The following FAM181A variants were observed in gnomAD, a reference collection of about 807,000 sequenced individuals.
The protein encoded by FAM181A is protein FAM181A.
FAM181A carries 7 observed loss-of-function variants against 16.3 expected under a neutral mutation model. That is an observed-to-expected ratio of 0.43 (90% CI 0.24 to 0.81). The LOEUF is 0.81. FAM181A is among the 30% of genes least tolerant of loss of function. FAM181A has a pLI of 0.24. For missense variants in FAM181A, 349 were observed against 377.5 expected, an observed-to-expected ratio of 0.92 and a Z score of 0.63; for synonymous variants, 183 against 164.9, an observed-to-expected ratio of 1.11 and a Z score of -0.84.
chr14:93,928,176 C>T (rs565523327), intron 1 of FAM181A, 23 bp from the exon 2 acceptor site: 21 of 1,605,022 alleles, frequency 1.3e-5, no homozygotes, highest in South Asian at 3.3e-5. Context: ...GGAGAGACTC[C>T]GATGGCCTGT....
At chr14:93,919,160 G>C (rs964705537) in intron 1 of FAM181A, among the ~76,000 whole-genome samples, 1 of 152,186 alleles carries the variant, frequency 6.6e-6, no homozygotes, top group African/African-American at 2.4e-5. Context: ...TCCAGCCCAG[G>C]GGAGAGGCAA....
At chr14:93,927,609 C>G (rs1887960542) in intron 1 of FAM181A, 155 bp downstream of exon 1, 1 of 1,286,882 alleles carries the variant, frequency 7.8e-7, no homozygotes, top group Non-Finnish European at 1.0e-6. Flanking sequence ...TGCCCGCAGC[C>G]TGAGATCAGC....
chr14:93,927,463 G>A lies in FAM181A; in HGVS notation c.-88+9G>A. On this transcript the variant is annotated intron_variant, in intron 1 of 1. Transcript: ENST00000556222. ...CCTGGGCCGCACCTTCGGTCAGTGT[G>A]GAGGCCCGGTGGCTCTGGCCCGACT... The A allele has an allele frequency of 1.1e-5, 14 of 1,243,912 alleles. No individual in the cohort carries two copies. Among genetic ancestry groups the A allele is most frequent in the Non-Finnish European group, 1.4e-5 (13 of 962,508 alleles). The allele number at this position is 1,243,912 out of a possible 1,614,324, so 77.1% of individuals were successfully genotyped here.
In FAM181A at chr14:93,928,933, C is replaced by T. The variant is rs1400937198; in HGVS notation, c.648C>T (p.Phe216=). 6.2e-7 allele frequency: 1 copy of T among 1,614,160 alleles called. No homozygotes were observed. Among genetic ancestry groups the T allele is most frequent in the South Asian group, 1.1e-5 (1 of 91,090 alleles). Residue 216 remains phenylalanine, a synonymous_variant, in exon 2 of 2, where the codon TTC becomes TTT. Coordinates refer to ENST00000556222, the MANE Select transcript of FAM181A (RefSeq NM_001207073.2). ...TCAATGCCTGGAGTTGCTGCCCCTT[C>T]CAGTACCATGGACAGCCCATCTATC... ...GRVNAWSCCP[F]QYHGQPIYPG... is the part of the protein sequence containing the mutation.
intron 1 of FAM181A, among the ~76,000 whole-genome samples, chr14:93,919,259 C>G (rs1357414672): frequency 6.6e-5 from 10 of 152,224 alleles, no homozygotes; most frequent in Admixed American, 6.5e-4. Context: ...ATTATCAACC[C>G]TGCCAGGGAA....
At chr14:93,921,831 C>T (rs2141251226) in intron 1 of FAM181A, among the ~76,000 whole-genome samples, 1 of 152,234 alleles carries the variant, frequency 6.6e-6, no homozygotes, top group South Asian at 2.1e-4. Context: ...ATCACTCCCA[C>T]CCTAGCTTTG....
At position 93,928,214 on chromosome 14, in the gene FAM181A, T is replaced by C; in HGVS notation, c.-72T>C. 1 of 1,613,238 alleles carries C rather than the reference T, an allele frequency of 6.2e-7. No individual in the cohort carries two copies. Among genetic ancestry groups the C allele is most frequent in the Non-Finnish European group, 8.5e-7 (1 of 1,179,750 alleles). ...TGTCCCCCAGGTCAGCTCGGTGCCCTTCCTTGGAGCTGCCGGCCACCAGCA... is the reference window on the plus strand; with the variant it reads ...TGTCCCCCAGGTCAGCTCGGTGCCCCTCCTTGGAGCTGCCGGCCACCAGCA... On this transcript the variant is annotated 5_prime_UTR_variant, in exon 2 of 2. Transcript: ENST00000556222.
At chr14:93,921,161 C>T (rs981190842) in intron 1 of FAM181A, among the ~76,000 whole-genome samples, 1 of 152,098 alleles carries the variant, frequency 6.6e-6, no homozygotes, top group African/African-American at 2.4e-5. Context: ...AAACTGAGGC[C>T]CAGAGAGGGT....
At chr14:93,928,172 A>C (rs1887989960) in intron 1 of FAM181A, 27 bp from the exon 2 acceptor site, 5 of 1,602,178 alleles carry the variant, frequency 3.1e-6, no homozygotes, top group Non-Finnish European at 3.4e-6. Flanking sequence ...GCTTGGAGAG[A>C]CTCCGATGGC....
intron 1 of FAM181A, 98 bp downstream of exon 1, chr14:93,927,552 G>A (rs767173110): frequency 2.6e-5 from 33 of 1,286,000 alleles, no homozygotes; most frequent in Non-Finnish European, 3.2e-5. Context: ...GGTGGCGGCC[G>A]AGGAGGCATG....
intron 1 of FAM181A, among the ~76,000 whole-genome samples, chr14:93,920,424 A>G (rs935373568): frequency 1.3e-5 from 2 of 151,940 alleles, no homozygotes; most frequent in African/African-American, 4.8e-5. Flanking sequence ...AAAAAGAAGA[A>G]AGAAAGAAAG....
chr14:93,926,836 G>A (rs889349788), upstream of FAM181A: 5 of 152,270 alleles, frequency 3.3e-5, no homozygotes, highest in Non-Finnish European at 5.9e-5. This position sits in a 1 kb window ranked among gnomAD's most constrained non-coding sequence, Gnocchi z 5.2. Flanking sequence ...GAGACAGAGA[G>A]ACAGGAGAAG....
rs1336884194 is a variant in FAM181A at position 93,928,973 on chromosome 14, G to A, written c.688G>A (p.Ala230Thr). Reference sequence around the variant, plus strand: ...GCCCATCTATCCGGGCCCCCTGGGGGCACTGCCTCAGAGTCCTGTCCCCAG... The same window carrying A: ...GCCCATCTATCCGGGCCCCCTGGGGACACTGCCTCAGAGTCCTGTCCCCAG... ...GQPIYPGPLG[A>T]LPQSPVPSLG... Residue 230 changes from alanine (A) to threonine (T), a missense_variant, in exon 2 of 2, where the codon GCA becomes ACA. By Grantham distance (58) the Ala-to-Thr change is moderately conservative. Transcript: ENST00000556222. 1 of 1,613,732 alleles carries A rather than the reference G, an allele frequency of 6.2e-7. No individual in the cohort carries two copies. The highest frequency in any genetic ancestry group is 8.5e-7 in the Non-Finnish European group (1 of 1,179,918).
At chr14:93,924,903 G>A (rs1296790491), upstream of FAM181A, 5 of 253,392 alleles carry the variant, frequency 2.0e-5, no homozygotes, top group African/African-American at 2.3e-5. Flanking sequence ...GAGCTGCCCC[G>A]AGGGTCAGGT....
chr14:93,928,594 C>T lies in FAM181A; in HGVS notation c.309C>T (p.Pro103=), dbSNP rs762848170. The change falls in exon 2 of 2, where the codon CCC becomes CCT. Residue 103 remains proline, a synonymous_variant. Transcript: ENST00000556222. ...GGCKEKVLRN[P]YREECLAKEQ... is the part of the protein sequence containing the mutation. Reference sequence around the variant, plus strand: ...GCAAGGAGAAGGTGCTGAGGAACCCCTACAGGGAGGAATGTCTTGCTAAGG... The same window carrying T: ...GCAAGGAGAAGGTGCTGAGGAACCCTTACAGGGAGGAATGTCTTGCTAAGG... 6 of 1,613,770 alleles carry T rather than the reference C, an allele frequency of 3.7e-6. No homozygotes were observed. In the African/African-American group the frequency reaches 8.0e-5, roughly 22 times the overall value.
intron 1 of FAM181A, among the ~76,000 whole-genome samples, chr14:93,919,162 G>A (rs17129352): frequency 0.17 from 25,431 of 152,202 alleles, 2,381 homozygotes; most frequent in Non-Finnish European, 0.19. Flanking sequence ...CAGCCCAGGG[G>A]AGAGGCAAAG....
At chr14:93,921,413 A>T (rs1463367686) in intron 1 of FAM181A, among the ~76,000 whole-genome samples, 7 of 152,216 alleles carry the variant, frequency 4.6e-5, no homozygotes, top group Non-Finnish European at 8.8e-5. Context: ...CTGAGGGCAC[A>T]GCCACACCAG....
intron 1 of FAM181A, 140 bp from the exon 2 acceptor site, chr14:93,928,059 C>A: frequency 7.3e-7 from 1 of 1,361,504 alleles, no homozygotes; most frequent in Non-Finnish European, 9.9e-7. Context: ...CACTTGCACC[C>A]ACATCCCTCT....
At chr14:93,921,633 G>A (rs1001981228) in intron 1 of FAM181A, among the ~76,000 whole-genome samples, 1 of 152,210 alleles carries the variant, frequency 6.6e-6, no homozygotes, top group East Asian at 1.9e-4. Context: ...CCACAGAGGC[G>A]CTGCCAGGCC....
Sources: allele counts gnomAD v4.1 joint callset (sites outside exome capture counted in the v4.1 genomes callset), GRCh38; gene constraint gnomAD v4.1.1; non-coding constraint Gnocchi (gnomAD v3.1); transcripts MANE v1.5; gene names NCBI Gene and HGNC (gene_info 2026-07-23, HGNC 2026-07-21).